RBFOX1: variants seen among roughly 807,000 people sequenced by gnomAD.
The protein encoded by RBFOX1 is RNA binding protein fox-1 homolog 1.
In RBFOX1, 8 loss-of-function variants were observed where a neutral mutation model predicts 57.7. The observed-to-expected ratio is 0.14, with a 90% CI of 0.08 to 0.25. RBFOX1 has a LOEUF of 0.25. RBFOX1 is among the 10% of genes least tolerant of loss of function. The pLI is 1.00. For missense variants in RBFOX1, 611 were observed against 548.5 expected (o/e 1.11, Z -1.14); for synonymous variants, 326 against 222.4 (o/e 1.47, Z -4.15).
chr16:7,460,419 A>G (rs56388642), intron 4 of RBFOX1, among the ~76,000 whole-genome samples: 15,247 of 54,634 alleles, frequency 0.28, 1,016 homozygotes, highest in Non-Finnish European at 0.3. Flanking sequence ...GTGTGTGTGT[A>G]TATACATATG....
intron 2 of RBFOX1, among the ~76,000 whole-genome samples, chr16:6,408,786 A>C (rs1464197955): frequency 1.3e-5 from 2 of 152,214 alleles, no homozygotes; most frequent in Non-Finnish European, 2.9e-5. Flanking sequence ...CAGGAAAATG[A>C]CAGTGATTTG....
At chr16:6,890,187 C>T (rs1261846734) in intron 3 of RBFOX1, among the ~76,000 whole-genome samples, 2 of 152,156 alleles carry the variant, frequency 1.3e-5, no homozygotes, top group Non-Finnish European at 2.9e-5. Flanking sequence ...GGGAGAAACA[C>T]TGCTGTAAGC....
At chr16:7,443,215 A>C (rs938448960) in intron 4 of RBFOX1, among the ~76,000 whole-genome samples, 1 of 151,960 alleles carries the variant, frequency 6.6e-6, no homozygotes, top group African/African-American at 2.4e-5. Context: ...CTTTTTTTTA[A>C]ATATTAAAAG....
At chr16:7,709,498 A>T in intron 15 of RBFOX1, 1 of 1,498,040 alleles carries the variant, frequency 6.7e-7, no homozygotes, top group Non-Finnish European at 8.8e-7. Flanking sequence ...ACATAGCCCC[A>T]AGGTTCCAGC....
chr16:7,378,711 C>T (rs888468738), intron 4 of RBFOX1, among the ~76,000 whole-genome samples: 1 of 152,076 alleles, frequency 6.6e-6, no homozygotes, highest in African/African-American at 2.4e-5. Context: ...TCCCTGCATC[C>T]GCCAAACCCT....
chr16:6,091,378 T>C (rs9936351), intron 1 of RBFOX1, among the ~76,000 whole-genome samples: 18,056 of 152,220 alleles, frequency 0.12, 2,386 homozygotes, highest in African/African-American at 0.31. Flanking sequence ...ATTGTCATAC[T>C]CTCTCAACAC....
intron 3 of RBFOX1, among the ~76,000 whole-genome samples, chr16:5,855,836 T>C (rs2057011451): frequency 6.6e-6 from 1 of 152,054 alleles, no homozygotes; most frequent in South Asian, 2.1e-4. Context: ...ACAATATTTA[T>C]TAATCCTATC....
chr16:6,941,850 C>T (rs906135658), intron 3 of RBFOX1, among the ~76,000 whole-genome samples: 1 of 152,024 alleles, frequency 6.6e-6, no homozygotes, highest in Non-Finnish European at 1.5e-5. Flanking sequence ...AACTCTTTCC[C>T]ATCTGGAGTG....
chr16:6,840,714 C>G (rs1001672245), intron 3 of RBFOX1, among the ~76,000 whole-genome samples: 2 of 151,872 alleles, frequency 1.3e-5, no homozygotes, highest in African/African-American at 4.8e-5. Flanking sequence ...TGGTGAAACC[C>G]CGTCTCTACT....
At chr16:6,887,359 A>G (rs966972320) in intron 3 of RBFOX1, among the ~76,000 whole-genome samples, 2 of 152,128 alleles carry the variant, frequency 1.3e-5, no homozygotes, top group African/African-American at 4.8e-5. Context: ...AGAAGTTGAC[A>G]GTTCTCCCTG....
At chr16:7,078,744 A>G (rs972889613) in intron 4 of RBFOX1, among the ~76,000 whole-genome samples, 1 of 147,722 alleles carries the variant, frequency 6.8e-6, no homozygotes, top group African/African-American at 2.5e-5. Flanking sequence ...GTGCAATGGC[A>G]TGATCTAGGC....
intron 2 of RBFOX1, among the ~76,000 whole-genome samples, chr16:6,381,506 T>C (rs930448871): frequency 4.6e-5 from 7 of 152,202 alleles, no homozygotes; most frequent in Admixed American, 3.3e-4. Context: ...CTTATATCTT[T>C]GGAGTTTGTG....
At chr16:7,700,127 A>T (rs572765011) in intron 14 of RBFOX1, among the ~76,000 whole-genome samples, 1 of 152,098 alleles carries the variant, frequency 6.6e-6, no homozygotes, top group Non-Finnish European at 1.5e-5. Context: ...ATGCCAGTAC[A>T]TAAGACTTTG....
At chr16:6,162,593 C>G (rs1036891982) in intron 1 of RBFOX1, among the ~76,000 whole-genome samples, 8 of 152,286 alleles carry the variant, frequency 5.3e-5, no homozygotes, top group African/African-American at 1.9e-4. Context: ...CTTCACCCAA[C>G]AACAGTGGTA....
intron 3 of RBFOX1, among the ~76,000 whole-genome samples, chr16:5,759,462 C>T (rs532266708): frequency 9.8e-5 from 15 of 152,362 alleles, no homozygotes; most frequent in South Asian, 4.1e-4. Context: ...AGAAATGCCA[C>T]GCAGCTGTAT....
In RBFOX1 at chr16:6,488,330, G is replaced by A. The variant is rs184186103; in HGVS notation, c.-63-166273G>A. On this transcript the variant is annotated intron_variant, in intron 2 of 15. Coordinates refer to ENST00000550418, the MANE Select transcript of RBFOX1 (RefSeq NM_018723.4). ...TTATTGTGGTTAGCTGAATGTGTAA[G>A]TACAGGTCTTCCATTTGTATTAAAA... 2.1e-3 allele frequency among the ~76,000 whole-genome samples: 319 copies of A among 152,298 alleles called. 2 individuals are homozygous for A. Among genetic ancestry groups the A allele is most frequent in the Middle Eastern group, 0.01 (3 of 294 alleles).
chr16:5,919,884 CT>C (rs1478961486), intron 4 of RBFOX1, among the ~76,000 whole-genome samples: 1 of 152,026 alleles, frequency 6.6e-6, no homozygotes, highest in African/African-American at 2.4e-5. Flanking sequence ...TTCTCTCTGC[CT>C]TTTTTTTCAC....
At chr16:5,458,433 GAGA>G (rs1326613439) in intron 1 of RBFOX1, among the ~76,000 whole-genome samples, 3 of 152,186 alleles carry the variant, frequency 2.0e-5, no homozygotes, top group Non-Finnish European at 2.9e-5. Context: ...GAGAAGAAAT[GAGA>G]AGAAGTGGGA....
chr16:7,199,711 G>A (rs1046261998), intron 4 of RBFOX1, among the ~76,000 whole-genome samples: 11 of 152,090 alleles, frequency 7.2e-5, no homozygotes, highest in African/African-American at 2.4e-4. Context: ...CTTTGCCAAC[G>A]TGGTGAAACC....
Sources: allele counts gnomAD v4.1 joint callset (sites outside exome capture counted in the v4.1 genomes callset), GRCh38; gene constraint gnomAD v4.1.1; transcripts MANE v1.5; gene names NCBI Gene and HGNC (gene_info 2026-07-23, HGNC 2026-07-21).